Variants in MAP2K5 observed in about 807,000 individuals in gnomAD.
MAP2K5 encodes mitogen-activated protein kinase kinase 5.
MAP2K5 carries 49 observed loss-of-function variants against 83.1 expected under a neutral mutation model. The ratio of observed to expected loss-of-function variants is 0.59; its 90% CI spans 0.47 to 0.75. The LOEUF (loss-of-function observed/expected upper bound fraction) is 0.75. Among genes scored for constraint, MAP2K5 ranks in the 30% least tolerant of loss-of-function variants. The pLI is 0.00. For synonymous variants in MAP2K5, 202 were observed against 191.8 expected (o/e 1.05, Z -0.44); for missense variants, 457 against 557.5 (o/e 0.82, Z 1.82).
intron 15 of MAP2K5, among the ~76,000 whole-genome samples, chr15:67,694,305 G>C (rs2088190194): frequency 2.0e-5 from 3 of 152,026 alleles, no homozygotes; most frequent in Non-Finnish European, 2.9e-5. Flanking sequence ...GCAAAGTTTT[G>C]TCTTCCTCTA....
In MAP2K5 at chr15:67,659,051, T is replaced by C. The variant is rs1596739282; in HGVS notation, c.798+437T>C. On this transcript the variant is annotated intron_variant, in intron 12 of 21. Coordinates refer to ENST00000178640, the MANE Select transcript of MAP2K5 (RefSeq NM_145160.3). ...TTAGTAAAGATTTTTTGCAGTCTTTTTATGTTCTTGGTTTTTAATTTTTTC... is the reference window on the plus strand; with the variant it reads ...TTAGTAAAGATTTTTTGCAGTCTTTCTATGTTCTTGGTTTTTAATTTTTTC... 1.2e-5 allele frequency: 3 copies of C among 245,236 alleles called. No homozygotes were observed. In the East Asian group the frequency reaches 3.3e-4, roughly 27 times the overall value. The allele number at this position is 245,236 out of a possible 1,614,324, so 15.2% of individuals were successfully genotyped here. A position where few individuals can be genotyped will look rare whatever the true frequency, so the allele number is the denominator to read the frequency against.
At chr15:67,731,093 C>G (rs1478376618) in intron 17 of MAP2K5, among the ~76,000 whole-genome samples, 1 of 152,174 alleles carries the variant, frequency 6.6e-6, no homozygotes, top group Admixed American at 6.5e-5. Flanking sequence ...ACAGAATTTC[C>G]CAGCTATCAA....
At chr15:67,612,830 T>C (rs1196517524) in intron 8 of MAP2K5, among the ~76,000 whole-genome samples, 1 of 152,196 alleles carries the variant, frequency 6.6e-6, no homozygotes, top group Non-Finnish European at 1.5e-5. Context: ...GGCATTTACA[T>C]GGTGTAATTT....
intron 2 of MAP2K5, among the ~76,000 whole-genome samples, chr15:67,556,989 A>G (rs2084640986): frequency 6.6e-6 from 1 of 152,208 alleles, no homozygotes; most frequent in Non-Finnish European, 1.5e-5. Flanking sequence ...CAGATGTGAG[A>G]ACCTTTCTGA....
rs1311674999 is a variant in MAP2K5, at chr15:67,702,390, A to T, written c.973-947A>T. ...ATGTTATTCCTGTAGCCGGCTAGCC[A>T]GTTCCATATGAATACATCCTGGTAT... On this transcript the variant is annotated intron_variant, in intron 15 of 21. Transcript: ENST00000178640. This position sits in a 1 kb window ranked among gnomAD's most constrained non-coding sequence, Gnocchi z 4.6. 2.0e-5 allele frequency among the ~76,000 whole-genome samples: 3 copies of T among 152,242 alleles called. No homozygotes were observed. Among genetic ancestry groups the T allele is most frequent in the Non-Finnish European group, 4.4e-5 (3 of 68,042 alleles).
chr15:67,556,916 C>T (rs1208937961), intron 2 of MAP2K5, among the ~76,000 whole-genome samples: 62 of 152,028 alleles, frequency 4.1e-4, no homozygotes, highest in South Asian at 4.1e-4. Flanking sequence ...AGGTGGGGAT[C>T]CAACTTTATT....
At chr15:67,735,952 T>C (rs1212775660) in intron 17 of MAP2K5, among the ~76,000 whole-genome samples, 2 of 152,176 alleles carry the variant, frequency 1.3e-5, no homozygotes, top group Non-Finnish European at 2.9e-5. Flanking sequence ...TGCTAGGTAC[T>C]CAAGTCCAAA....
chr15:67,794,382 G>A lies in MAP2K5; in HGVS notation c.1243-12264G>A, dbSNP rs899171825. Reference sequence around the variant, plus strand: ...GGGATGCAAAACAATCAGAATTTTCGAAGAGTTTGCTTCCTTTTTGTGCAT... The same window carrying A: ...GGGATGCAAAACAATCAGAATTTTCAAAGAGTTTGCTTCCTTTTTGTGCAT... On this transcript the variant is annotated intron_variant, in intron 21 of 21. Transcript: ENST00000178640. This position sits in a 1 kb window ranked among gnomAD's most constrained non-coding sequence, Gnocchi z 4.6. Among the ~76,000 whole-genome samples, 3 of 152,108 alleles carry A rather than the reference G, an allele frequency of 2.0e-5. No homozygotes were observed. Among genetic ancestry groups the A allele is most frequent in the Non-Finnish European group, 4.4e-5 (3 of 68,006 alleles).
At chr15:67,733,283 G>A (rs886835029) in intron 17 of MAP2K5, among the ~76,000 whole-genome samples, 13 of 152,084 alleles carry the variant, frequency 8.5e-5, no homozygotes, top group African/African-American at 1.7e-4. Flanking sequence ...TATTCCAAAC[G>A]GCTTTTTAAG....
intron 8 of MAP2K5, among the ~76,000 whole-genome samples, chr15:67,614,792 G>A (rs140652772): frequency 1.3e-5 from 2 of 152,208 alleles, no homozygotes; most frequent in Non-Finnish European, 2.9e-5. Context: ...GTATATAGCC[G>A]GAGTAAACAG....
chr15:67,664,301 T>C (rs915078847), intron 12 of MAP2K5, among the ~76,000 whole-genome samples: 3 of 130,918 alleles, frequency 2.3e-5, no homozygotes, highest in Non-Finnish European at 4.6e-5. Flanking sequence ...CAAGACCAGC[T>C]TAGGCAACAT....
At chr15:67,741,813 G>A (rs1314620525) in intron 17 of MAP2K5, among the ~76,000 whole-genome samples, 2 of 152,098 alleles carry the variant, frequency 1.3e-5, no homozygotes, top group South Asian at 2.1e-4. Context: ...ATGAAGAGCT[G>A]TCATTAAACT....
chr15:67,685,063 T>A (rs566184060), intron 13 of MAP2K5, among the ~76,000 whole-genome samples: 1 of 152,248 alleles, frequency 6.6e-6, no homozygotes, highest in South Asian at 2.1e-4. Flanking sequence ...CTGAAAACTT[T>A]CCAAATTTGG....
At chr15:67,600,772 A>G in intron 8 of MAP2K5, 23 bp downstream of exon 8, 2 of 1,573,038 alleles carry the variant, frequency 1.3e-6, no homozygotes, top group Non-Finnish European at 1.7e-6. Context: ...TTTTGTTTAA[A>G]CTTTCTATCC....
intron 15 of MAP2K5, among the ~76,000 whole-genome samples, chr15:67,695,645 T>C (rs2088234143): frequency 6.6e-6 from 1 of 152,216 alleles, no homozygotes; most frequent in South Asian, 2.1e-4. Context: ...ATTGCTCAAC[T>C]ACCCAGCATG....
At chr15:67,620,530 G>C (rs2086158286) in intron 8 of MAP2K5, among the ~76,000 whole-genome samples, 2 of 152,006 alleles carry the variant, frequency 1.3e-5, no homozygotes, top group Non-Finnish European at 1.5e-5. Context: ...AAATCTAGTA[G>C]GTAGGGAAGT....
Position 67,543,514 on chromosome 15 carries a change from A to G in MAP2K5, c.135+44A>G. On this transcript the variant is annotated intron_variant, in intron 1 of 21. Transcript: ENST00000178640. The surrounding 1 kb of genome is among the most constrained non-coding windows in gnomAD (Gnocchi z 4.3). ...GTCCGGATGCCAGCAAGGGGGACTC[A>G]GGGACTTGAGTAGTCAGCACCTTGA... 1.2e-6 allele frequency: 2 copies of G among 1,611,898 alleles called. No individual in the cohort carries two copies. Among genetic ancestry groups the G allele is most frequent in the Non-Finnish European group, 1.7e-6 (2 of 1,178,592 alleles).
chr15:67,790,340 G>A lies in MAP2K5; in HGVS notation c.1243-16306G>A, dbSNP rs2090494146. On this transcript the variant is annotated intron_variant, in intron 21 of 21. Transcript: ENST00000178640. The surrounding 1 kb of genome is among the most constrained non-coding windows in gnomAD (Gnocchi z 4.6). The stretch of plus-strand genomic sequence containing the variant: ...TACAGTATAATGTTTTTGGGACTAC[G>A]GGTTCATTACACTTCTGAGTGTGAG... Among the ~76,000 whole-genome samples the A allele has an allele frequency of 6.6e-6, 1 of 152,096 alleles. No homozygotes were observed. Among genetic ancestry groups the A allele is most frequent in the Non-Finnish European group, 1.5e-5 (1 of 68,022 alleles).
chr15:67,728,099 A>G (rs967119497), intron 17 of MAP2K5, among the ~76,000 whole-genome samples, 154 bp downstream of exon 17: 15 of 152,162 alleles, frequency 9.9e-5, no homozygotes, highest in African/African-American at 3.4e-4. Flanking sequence ...AGAAATCTCT[A>G]TTGATTTTTG....
Sources: gnomAD v4.1 joint callset for allele counts (sites outside exome capture counted in the v4.1 genomes callset) on GRCh38, gnomAD v4.1.1 for gene constraint, Gnocchi (gnomAD v3.1) non-coding constraint, MANE v1.5 for transcripts, NCBI Gene and HGNC (gene_info 2026-07-23, HGNC 2026-07-21) for gene names.